The following CNTN5 variants were observed in gnomAD, a reference collection of about 807,000 sequenced individuals.
CNTN5 encodes the protein contactin-5.
Under a neutral mutation model 129.1 loss-of-function variants are expected in CNTN5, and 77 were observed. That is an observed-to-expected ratio of 0.60 (90% CI 0.50 to 0.72). The LOEUF (loss-of-function observed/expected upper bound fraction) is 0.72, where lower values mean the gene tolerates loss of function less well. Among genes scored for constraint, CNTN5 ranks in the 30% least tolerant of loss-of-function variants. The probability of loss-of-function intolerance (pLI) is 0.00; values close to 1 mark genes in which losing one functional copy is unlikely to be tolerated. For missense variants in CNTN5, 1,478 were observed against 1,328.8 expected (o/e 1.11, Z -1.75); for synonymous variants, 509 against 465.6 (o/e 1.09, Z -1.20).
At chr11:100,201,844 G>A (rs1034816754) in intron 15 of CNTN5, among the ~76,000 whole-genome samples, 20 of 151,826 alleles carry the variant, frequency 1.3e-4, no homozygotes, top group East Asian at 7.8e-4. Context: ...GCAGTGTTCC[G>A]CTCTGGGAAT....
intron 3 of CNTN5, among the ~76,000 whole-genome samples, chr11:99,708,785 C>A (rs1414711892): frequency 6.6e-6 from 1 of 151,646 alleles, no homozygotes; most frequent in Non-Finnish European, 1.5e-5. Context: ...GGCTGAAAAT[C>A]CTAGAGTCAT....
intron 13 of CNTN5, among the ~76,000 whole-genome samples, chr11:100,089,804 C>T: frequency 6.6e-6 from 1 of 152,092 alleles, no homozygotes; most frequent in Admixed American, 6.6e-5. Context: ...AACAGAAAAC[C>T]AAACACCACA....
At chr11:99,491,372 C>A (rs1946029756) in intron 2 of CNTN5, among the ~76,000 whole-genome samples, 1 of 151,970 alleles carries the variant, frequency 6.6e-6, no homozygotes, top group Non-Finnish European at 1.5e-5. Context: ...TCAAAACGGA[C>A]TAAAGGCGAA....
At chr11:99,069,553 A>G (rs2135242215) in intron 1 of CNTN5, among the ~76,000 whole-genome samples, 1 of 152,246 alleles carries the variant, frequency 6.6e-6, no homozygotes, top group African/African-American at 2.4e-5. Context: ...TTATTAGTTT[A>G]TAGGTCAGTC....
rs1449102856 is a variant in CNTN5 at position 100,329,736 on chromosome 11, T to C, written c.2731-10727T>C. On this transcript the variant is annotated intron_variant, in intron 21 of 24. Transcript: ENST00000524871. ...CCCAGAAGAGCAAAAACAATAACTA[T>C]GGTTCAGTTCTCAGGAACCCTTATT... is the stretch of plus-strand genomic sequence containing the variant. Among the ~76,000 whole-genome samples the C allele has an allele frequency of 2.0e-5, 3 of 152,244 alleles. No individual in the cohort carries two copies. The East Asian group carries it at 5.8e-4, about 29-fold the overall frequency.
intron 3 of CNTN5, among the ~76,000 whole-genome samples, chr11:99,637,276 A>T (rs1437884690): frequency 1.3e-5 from 2 of 152,094 alleles, no homozygotes; most frequent in Non-Finnish European, 2.9e-5. Context: ...ATATAGCCAT[A>T]TAGAATACCT....
intron 1 of CNTN5, among the ~76,000 whole-genome samples, chr11:99,310,714 T>C (rs1042609806): frequency 3.3e-5 from 5 of 152,210 alleles, no homozygotes; most frequent in African/African-American, 1.2e-4. Context: ...TCCTGATTTA[T>C]AGCAACAATG....
At chr11:99,413,070 C>T (rs535807135) in intron 2 of CNTN5, among the ~76,000 whole-genome samples, 14 of 152,316 alleles carry the variant, frequency 9.2e-5, no homozygotes, top group African/African-American at 3.1e-4. Flanking sequence ...TTTTATTTCA[C>T]TGTTCTTTAA....
chr11:99,623,494 C>T (rs760358256), intron 3 of CNTN5, among the ~76,000 whole-genome samples: 13 of 152,088 alleles, frequency 8.5e-5, no homozygotes, highest in African/African-American at 1.2e-4. Flanking sequence ...AATATTTCAA[C>T]AGTGTATCTA....
intron 21 of CNTN5, among the ~76,000 whole-genome samples, chr11:100,339,312 G>A (rs1952108401): frequency 6.6e-6 from 1 of 152,080 alleles, no homozygotes; most frequent in African/African-American, 2.4e-5. Context: ...GAATGATGGG[G>A]AAGGTGGAAA....
At chr11:100,303,488 C>A (rs556309371) in intron 20 of CNTN5, among the ~76,000 whole-genome samples, 50 of 151,632 alleles carry the variant, frequency 3.3e-4, no homozygotes, top group Middle Eastern at 3.4e-3. Flanking sequence ...CTGGAGCATT[C>A]AATTAAACCT....
intron 2 of CNTN5, among the ~76,000 whole-genome samples, chr11:99,339,059 G>T (rs1268367622): frequency 1.3e-5 from 2 of 148,282 alleles, no homozygotes; most frequent in African/African-American, 5.0e-5. Flanking sequence ...TATCCCTATA[G>T]ATAAATGCTG....
chr11:99,439,771 T>C (rs1014312899), intron 2 of CNTN5, among the ~76,000 whole-genome samples: 4 of 150,380 alleles, frequency 2.7e-5, no homozygotes, highest in African/African-American at 9.8e-5. Flanking sequence ...TAAATCTAGA[T>C]ATATATTTAT....
At position 99,104,646 on chromosome 11, in the gene CNTN5, A is replaced by G. The variant is rs866894267; in HGVS notation, c.-210+83376A>G. ...TATATATATACACACACACACGTGTATATATATATATCAAAACATCAGATT... is the reference window on the plus strand; with the variant it reads ...TATATATATACACACACACACGTGTGTATATATATATCAAAACATCAGATT... On this transcript the variant is annotated intron_variant, in intron 1 of 24. Transcript: ENST00000524871. Among the ~76,000 whole-genome samples the G allele has an allele frequency of 5.9e-3, 724 of 122,472 alleles. 7 individuals are homozygous for G. Among genetic ancestry groups the G allele is most frequent in the African/African-American group, 0.025 (687 of 27,772 alleles). The allele number at this position is 122,472 out of a possible 152,430, so 80.3% of individuals were successfully genotyped here. A position where few individuals can be genotyped will look rare whatever the true frequency, so the allele number is the denominator to read the frequency against.
At chr11:100,270,101 T>TA (rs1285041528) in intron 17 of CNTN5, among the ~76,000 whole-genome samples, 7 of 152,118 alleles carry the variant, frequency 4.6e-5, no homozygotes, top group African/African-American at 1.2e-4. Flanking sequence ...GTCACTGCTT[T>TA]AAAAAAACAC....
At chr11:99,471,330 G>A (rs751552948) in intron 2 of CNTN5, among the ~76,000 whole-genome samples, 2 of 151,852 alleles carry the variant, frequency 1.3e-5, no homozygotes, top group Non-Finnish European at 1.5e-5. Flanking sequence ...TGGAATCACA[G>A]GTATGTTTTA....
chr11:100,282,726 G>C (rs79167430), intron 18 of CNTN5, among the ~76,000 whole-genome samples: 2,217 of 150,022 alleles, frequency 0.015, 53 homozygotes, highest in African/African-American at 0.052. Flanking sequence ...AGGAGCCAGG[G>C]ACTACAGTCA....
At chr11:99,108,540 C>T (rs536266400) in intron 1 of CNTN5, among the ~76,000 whole-genome samples, 3 of 152,148 alleles carry the variant, frequency 2.0e-5, no homozygotes, top group African/African-American at 7.2e-5. Flanking sequence ...ACTATACACT[C>T]CACGACATGG....
chr11:100,294,190 A>G (rs1951056755), intron 18 of CNTN5, among the ~76,000 whole-genome samples: 1 of 151,660 alleles, frequency 6.6e-6, no homozygotes. Flanking sequence ...TTTTCAGGTA[A>G]AAAAAGATTG....
Sources: gnomAD v4.1 joint callset for allele counts (sites outside exome capture counted in the v4.1 genomes callset) on GRCh38, gnomAD v4.1.1 for gene constraint, MANE v1.5 for transcripts, NCBI Gene and HGNC (gene_info 2026-07-23, HGNC 2026-07-21) for gene names.